The following KALRN variants were observed in gnomAD, a reference collection of about 807,000 sequenced individuals.
KALRN encodes the protein kalirin RhoGEF kinase, also known as kalirin.
KALRN carries 70 observed loss-of-function variants against 353.7 expected under a neutral mutation model. The ratio of observed to expected loss-of-function variants is 0.20; its 90% CI spans 0.16 to 0.24. KALRN has a LOEUF of 0.24. Among genes scored for constraint, KALRN ranks in the 10% least tolerant of loss-of-function variants. The pLI, the probability that KALRN is intolerant of heterozygous loss-of-function variation, is 1.00. For missense variants in KALRN, 2,791 were observed against 3,756.7 expected (o/e 0.74, Z 6.72); for synonymous variants, 1,391 against 1,434.8 (o/e 0.97, Z 0.69).
chr3:124,075,288 G>T (rs2060207844), intron 1 of KALRN, among the ~76,000 whole-genome samples: 1 of 152,194 alleles, frequency 6.6e-6, no homozygotes, highest in Admixed American at 6.5e-5. Flanking sequence ...GTGCCATATG[G>T]TTCTGGTGAT....
intron 57 of KALRN, among the ~76,000 whole-genome samples, chr3:124,711,340 A>T (rs1485948249): frequency 1.3e-5 from 2 of 152,144 alleles, no homozygotes; most frequent in African/African-American, 2.4e-5. Flanking sequence ...ACATTATTTT[A>T]TGCAAATATA....
intron 34 of KALRN, among the ~76,000 whole-genome samples, chr3:124,570,978 C>A (rs2073450401): frequency 6.6e-6 from 1 of 152,182 alleles, no homozygotes; most frequent in African/African-American, 2.4e-5. Context: ...CTTCTAGAGC[C>A]TGTTGGATTT....
chr3:124,104,036 T>C (rs1213103072), intron 1 of KALRN, among the ~76,000 whole-genome samples: 1 of 152,158 alleles, frequency 6.6e-6, no homozygotes, highest in Non-Finnish European at 1.5e-5. Context: ...GTGATACTTA[T>C]AAGGGGGAGC....
chr3:124,707,215 C>T (rs1322520163), intron 57 of KALRN, among the ~76,000 whole-genome samples: 2 of 152,044 alleles, frequency 1.3e-5, no homozygotes, highest in African/African-American at 4.8e-5. Flanking sequence ...TGGTGGTGCA[C>T]ACCTGTAGTC....
chr3:124,216,793 T>A (rs1309331123), intron 1 of KALRN, among the ~76,000 whole-genome samples: 1 of 152,264 alleles, frequency 6.6e-6, no homozygotes, highest in Non-Finnish European at 1.5e-5. Flanking sequence ...TAGCTTATGC[T>A]GGGCCCTGGT....
At chr3:124,475,700 G>A (rs2061369168) in intron 26 of KALRN, among the ~76,000 whole-genome samples, 1 of 152,150 alleles carries the variant, frequency 6.6e-6, no homozygotes, top group African/African-American at 2.4e-5. Context: ...TAAGATAGGA[G>A]GTTGACTAGT....
Position 124,633,863 on chromosome 3 carries a change from T to C in KALRN, c.5478T>C (p.Gly1826=), listed in dbSNP as rs774824802. 8 of 1,613,672 alleles carry C rather than the reference T, an allele frequency of 5.0e-6. No individual in the cohort carries two copies. Among genetic ancestry groups the C allele is most frequent in the Middle Eastern group, 1.6e-4 (1 of 6,084 alleles). ...TTTTGTTCTAGAAGAGCAAGAAAGG[T>C]TGGGGTGAAGATGAGCCGGATGAAG... ...QGDSADESKK[G]WGEDEPDEES... The change falls in exon 36 of 60, where the codon GGT becomes GGC. Residue 1826 remains glycine, a synonymous_variant. Transcript: ENST00000682506.
At chr3:124,522,896 G>A (rs1037116160) in intron 33 of KALRN, among the ~76,000 whole-genome samples, 15 of 152,162 alleles carry the variant, frequency 9.9e-5, no homozygotes, top group Admixed American at 2.0e-4. Context: ...TTGAACAGGG[G>A]TAAGTTTCAG....
rs368796122 is a variant in KALRN, at chr3:124,334,348, C to G, written c.1500C>G (p.Ala500=). 1.8e-5 allele frequency: 29 copies of G among 1,614,130 alleles called. No individual in the cohort carries two copies. The highest frequency in any genetic ancestry group is 2.5e-5 in the Non-Finnish European group (29 of 1,180,052). The change falls in exon 9 of 60, where the codon GCC becomes GCG. Residue 500 remains alanine (A), a synonymous_variant. Transcript: ENST00000682506. The surrounding 1 kb of genome is among the most constrained non-coding windows in gnomAD (Gnocchi z 4.2). ...PGNSESLTAT[A]NYSKAVHQVL... is the part of the protein sequence containing the mutation. ...ACTCCGAATCCCTCACGGCCACAGC[C>G]AACTACTCCAAGGCAGTGCACCAGG... is the stretch of plus-strand genomic sequence containing the variant.
intron 33 of KALRN, among the ~76,000 whole-genome samples, chr3:124,540,599 T>C (rs1237922613): frequency 6.6e-6 from 1 of 152,242 alleles, no homozygotes; most frequent in Non-Finnish European, 1.5e-5. Context: ...CCAACCCTTT[T>C]GTTTTACAGA....
chr3:124,113,355 T>C (rs763957670), intron 1 of KALRN, among the ~76,000 whole-genome samples: 8 of 152,144 alleles, frequency 5.3e-5, no homozygotes, highest in Non-Finnish European at 7.4e-5. Context: ...AAATCTAACT[T>C]TTGGATGAGA....
At chr3:124,466,718 T>G (rs1264943772) in intron 25 of KALRN, among the ~76,000 whole-genome samples, 3 of 149,902 alleles carry the variant, frequency 2.0e-5, no homozygotes, top group Non-Finnish European at 3.0e-5. Context: ...CCCAGAGGAG[T>G]CGTTACTTGC....
chr3:124,352,673 T>G (rs369744715), intron 10 of KALRN, among the ~76,000 whole-genome samples: 21 of 148,252 alleles, frequency 1.4e-4, no homozygotes, highest in African/African-American at 4.9e-4. Context: ...GTGGTTTTTT[T>G]GTTTTGTTTT....
At chr3:124,117,133 C>T (rs1334808436) in intron 1 of KALRN, among the ~76,000 whole-genome samples, 2 of 152,124 alleles carry the variant, frequency 1.3e-5, no homozygotes, top group Admixed American at 6.5e-5. Context: ...GGGGAAGTGG[C>T]AGATGGAAGA....
chr3:124,347,073 G>T, intron 9 of KALRN, 70 bp from the exon 10 acceptor site: 1 of 1,606,890 alleles, frequency 6.2e-7, no homozygotes. Context: ...GACTCTAGCA[G>T]TTGCACATGT....
At chr3:124,502,431 A>T (rs1421196494) in intron 33 of KALRN, among the ~76,000 whole-genome samples, 1 of 152,006 alleles carries the variant, frequency 6.6e-6, no homozygotes, top group Non-Finnish European at 1.5e-5. Context: ...GAGCTGGGAC[A>T]TGGGTGCCCT....
intron 33 of KALRN, among the ~76,000 whole-genome samples, chr3:124,497,919 G>A (rs923022418): frequency 6.6e-6 from 1 of 152,158 alleles, no homozygotes; most frequent in Non-Finnish European, 1.5e-5. Context: ...TTTGTTTTAG[G>A]AAGACCTCAG....
chr3:124,459,143 C>A (rs895737418), intron 23 of KALRN, among the ~76,000 whole-genome samples: 11 of 152,126 alleles, frequency 7.2e-5, no homozygotes, highest in Non-Finnish European at 1.6e-4. Flanking sequence ...GATGGGCCCT[C>A]CTCCCCTGAC....
intron 14 of KALRN, among the ~76,000 whole-genome samples, chr3:124,421,094 G>A (rs985191043): frequency 6.6e-6 from 1 of 152,162 alleles, no homozygotes; most frequent in African/African-American, 2.4e-5. Context: ...GACCAAACCT[G>A]CATTGGGTCT....
Sources: gnomAD v4.1 joint callset for allele counts (sites outside exome capture counted in the v4.1 genomes callset) on GRCh38, gnomAD v4.1.1 for gene constraint, Gnocchi (gnomAD v3.1) non-coding constraint, MANE v1.5 for transcripts, NCBI Gene and HGNC (gene_info 2026-07-23, HGNC 2026-07-21) for gene names.